The following SHANK2 variants were observed in gnomAD, a reference collection of about 807,000 sequenced individuals.
SHANK2 encodes the protein SH3 and multiple ankyrin repeat domains protein 2.
Under a neutral mutation model 133.7 loss-of-function variants are expected in SHANK2, and 43 were observed. The ratio of observed to expected loss-of-function variants is 0.32; its 90% CI spans 0.25 to 0.41. The LOEUF is 0.41. Among genes scored for constraint, SHANK2 ranks in the 10% least tolerant of loss-of-function variants. The pLI is 1.00. For missense variants in SHANK2, 1,994 were observed against 2,235.8 expected (o/e 0.89, Z 2.18); for synonymous variants, 1,017 against 952.8 (o/e 1.07, Z -1.24).
intron 6 of SHANK2, among the ~76,000 whole-genome samples, chr11:71,103,667 G>A (rs970986862): frequency 6.6e-6 from 1 of 152,194 alleles, no homozygotes; most frequent in African/African-American, 2.4e-5. Context: ...ACGTGGAGAT[G>A]TAATCTCCGG....
intron 9 of SHANK2, among the ~76,000 whole-genome samples, chr11:71,061,971 C>CTTTTTTTTTTT (rs1216736346): frequency 1.3e-4 from 14 of 109,570 alleles, no homozygotes; most frequent in African/African-American, 1.7e-4. Context: ...GTCTTTCTTT[C>CTTTTTTTTTTT]TTTTTTTTTT....
intron 15 of SHANK2, among the ~76,000 whole-genome samples, chr11:70,680,428 G>C (rs554101587): frequency 1.3e-5 from 2 of 152,234 alleles, no homozygotes; most frequent in East Asian, 1.9e-4. Context: ...CTGGTTTCTA[G>C]TGGCCACCAC....
intron 14 of SHANK2, among the ~76,000 whole-genome samples, chr11:70,757,508 A>T (rs1359763230): frequency 1.3e-5 from 2 of 152,222 alleles, no homozygotes; most frequent in African/African-American, 2.4e-5. Context: ...TGGTGTATGC[A>T]AGCAAAACCC....
intron 14 of SHANK2, among the ~76,000 whole-genome samples, chr11:70,743,303 G>T (rs898453416): frequency 2.6e-5 from 4 of 152,234 alleles, no homozygotes; most frequent in Non-Finnish European, 5.9e-5. Context: ...GTGTCTGGAG[G>T]TGGGGGCTTT....
chr11:70,881,588 A>T (rs1949661860), intron 11 of SHANK2, among the ~76,000 whole-genome samples: 1 of 147,918 alleles, frequency 6.8e-6, no homozygotes, highest in Admixed American at 6.8e-5. Flanking sequence ...TAATAATAAT[A>T]ATAATAATAA....
intron 2 of SHANK2, among the ~76,000 whole-genome samples, chr11:71,211,192 CTTT>C (rs34505384): frequency 8.8e-5 from 9 of 101,964 alleles, no homozygotes; most frequent in African/African-American, 7.5e-5. Flanking sequence ...GGTCAATTTC[CTTT>C]TTTTTTTTTT....
chr11:70,543,613 AC>A (rs1166651074), intron 17 of SHANK2, among the ~76,000 whole-genome samples: 2 of 152,182 alleles, frequency 1.3e-5, no homozygotes, highest in African/African-American at 4.8e-5. Context: ...CCTGTACCTC[AC>A]CCCACACATC....
intron 14 of SHANK2, among the ~76,000 whole-genome samples, chr11:70,718,617 C>T (rs1179033098): frequency 6.6e-6 from 1 of 152,116 alleles, no homozygotes; most frequent in African/African-American, 2.4e-5. Context: ...CAAATACTTC[C>T]CAATCGGTAC....
intron 3 of SHANK2, among the ~76,000 whole-genome samples, chr11:71,143,834 G>A (rs1429618458): frequency 2.0e-5 from 3 of 151,588 alleles, no homozygotes; most frequent in East Asian, 1.9e-4. Flanking sequence ...TGTAGGAATC[G>A]AACACTGCAC....
rs565738663 is a variant in SHANK2 at position 71,176,519 on chromosome 11, G to GA, written c.-12-29182dup. 2.8e-4 allele frequency among the ~76,000 whole-genome samples: 42 copies of GA among 152,158 alleles called. No homozygotes were observed. The South Asian group carries it at 8.5e-3, about 31-fold the overall frequency. The stretch of plus-strand genomic sequence containing the variant: ...GTTCAAAAAGGTAAGTGGCAACATG[G>GA]AAAAAAATTAAACTTCCAAAGATAA... On this transcript the variant is annotated intron_variant, in intron 2 of 25. Transcript: ENST00000601538.
chr11:70,655,969 C>T (rs769046547), intron 17 of SHANK2, among the ~76,000 whole-genome samples: 10 of 152,270 alleles, frequency 6.6e-5, no homozygotes, highest in Non-Finnish European at 1.0e-4. Context: ...GTGACTGACG[C>T]CCAGCCAGGT....
intron 11 of SHANK2, among the ~76,000 whole-genome samples, chr11:70,837,927 T>C (rs112079288): frequency 4.2e-4 from 54 of 127,212 alleles, no homozygotes; most frequent in African/African-American, 1.4e-3. Context: ...TGAGCCAAGA[T>C]GGTGCCATTG....
chr11:70,709,730 C>A (rs1555025741), intron 14 of SHANK2, among the ~76,000 whole-genome samples: 1 of 152,000 alleles, frequency 6.6e-6, no homozygotes, highest in Non-Finnish European at 1.5e-5. Context: ...AGACAGCTGG[C>A]AAAGGTACGC....
chr11:71,247,561 C>A (rs1310253497), intron 1 of SHANK2, among the ~76,000 whole-genome samples: 1 of 151,432 alleles, frequency 6.6e-6, no homozygotes, highest in Non-Finnish European at 1.5e-5. Context: ...AGGGCCATGG[C>A]AGAGCTGCAG....
chr11:70,651,052 C>A (rs1403216350), intron 17 of SHANK2, among the ~76,000 whole-genome samples: 1 of 152,148 alleles, frequency 6.6e-6, no homozygotes, highest in Non-Finnish European at 1.5e-5. Context: ...AAATGAGCAA[C>A]CTGCCCAAGT....
chr11:70,911,176 C>T (rs1555078955), intron 10 of SHANK2: 1 of 456,550 alleles, frequency 2.2e-6, no homozygotes, highest in African/African-American at 2.0e-5. Flanking sequence ...ACGAAACACA[C>T]AGGCCTTAAG....
intron 11 of SHANK2, among the ~76,000 whole-genome samples, chr11:70,860,907 T>C (rs1424003327): frequency 6.6e-6 from 1 of 152,174 alleles, no homozygotes; most frequent in Non-Finnish European, 1.5e-5. Context: ...ATGTGAATCA[T>C]ACCACAAAGC....
chr11:70,718,700 CTTTT>C (rs60414874), intron 14 of SHANK2, among the ~76,000 whole-genome samples: 3 of 129,814 alleles, frequency 2.3e-5, no homozygotes, highest in African/African-American at 3.2e-5. Context: ...AGCTCATTCT[CTTTT>C]TTTTTTTTTG....
rs537122327 is a variant in SHANK2 at position 70,619,816 on chromosome 11, A to G, written c.2061+40012T>C. ...GGCTCACAGGGAGGAGGCCTCCATA[A>G]CAGCAAGGCCCTTGGATGCTGGAGG... On this transcript the variant is annotated intron_variant, in intron 17 of 25. Transcript: ENST00000601538. Among the ~76,000 whole-genome samples the G allele has an allele frequency of 9.2e-5, 14 of 152,212 alleles. No homozygotes were observed. The South Asian group carries it at 2.9e-3, about 32-fold the overall frequency.
Sources: gnomAD v4.1 joint callset for allele counts (sites outside exome capture counted in the v4.1 genomes callset) on GRCh38, gnomAD v4.1.1 for gene constraint, MANE v1.5 for transcripts, NCBI Gene and HGNC (gene_info 2026-07-23, HGNC 2026-07-21) for gene names.